LAMA4: variants seen among roughly 807,000 people sequenced by gnomAD.
LAMA4 encodes the protein laminin subunit alpha 4.
A neutral mutation model predicts 207.1 loss-of-function variants in LAMA4; 127 were observed. The observed-to-expected ratio is 0.61, with a 90% CI of 0.53 to 0.71. The LOEUF (loss-of-function observed/expected upper bound fraction) is 0.71, where lower values mean the gene tolerates loss of function less well. Ranked by LOEUF, LAMA4 falls within the 30% of genes least tolerant of loss-of-function variation. The pLI is 0.00. For missense variants in LAMA4, 2,093 were observed against 2,246.5 expected (o/e 0.93, Z 1.38); for synonymous variants, 761 against 816.0 (o/e 0.93, Z 1.15).
chr6:112,204,159 A>G (rs1043703286), intron 4 of LAMA4, among the ~76,000 whole-genome samples: 3 of 152,230 alleles, frequency 2.0e-5, no homozygotes. Context: ...ATTTTGACCT[A>G]TCTTAATAAA....
At chr6:112,254,314 C>A in intron 1 of LAMA4, 23 bp from the exon 2 acceptor site, 2 of 805,480 alleles carry the variant, frequency 2.5e-6, no homozygotes, top group South Asian at 1.6e-5. Flanking sequence ...AGGGAAAGTG[C>A]GAGAGTAAGG....
Position 112,175,306 on chromosome 6 carries a change from C to T in LAMA4, c.1357+7G>A, listed in dbSNP as rs781845111. 4 of 1,613,722 alleles carry T rather than the reference C, an allele frequency of 2.5e-6. No homozygotes were observed. The South Asian group carries it at 3.3e-5, about 13-fold the overall frequency. Reference sequence around the variant, plus strand: ...TGCTGGGTCAGCTATGAGAGGAATACACCTACGTTCGTAAGCCTCATCTGC... The same window carrying T: ...TGCTGGGTCAGCTATGAGAGGAATATACCTACGTTCGTAAGCCTCATCTGC... On this transcript the variant is annotated splice_region_variant and intron_variant, in intron 11 of 38. Transcript: ENST00000230538.
chr6:112,111,394 A>G (rs781940581), intron 38 of LAMA4, among the ~76,000 whole-genome samples: 64 of 152,304 alleles, frequency 4.2e-4, no homozygotes, highest in Non-Finnish European at 6.3e-4. Context: ...ATCACACACT[A>G]AAGTTGACTT....
At chr6:112,163,339 AAAAC>A (rs1554338950) in intron 13 of LAMA4, among the ~76,000 whole-genome samples, 1 of 150,014 alleles carries the variant, frequency 6.7e-6, no homozygotes, top group Non-Finnish European at 1.5e-5. Context: ...AAAAAAATTA[AAAAC>A]AAACAAAACC....
chr6:112,155,824 A>G (rs1298683712), intron 14 of LAMA4, 118 bp from the exon 15 acceptor site: 2 of 1,219,250 alleles, frequency 1.6e-6, no homozygotes, highest in African/African-American at 3.0e-5. Flanking sequence ...CTGTTATTCA[A>G]AGTCACCTAG....
chr6:112,202,632 A>G (rs1186807491), intron 4 of LAMA4, among the ~76,000 whole-genome samples: 1 of 152,190 alleles, frequency 6.6e-6, no homozygotes, highest in Non-Finnish European at 1.5e-5. Context: ...CACTTAAAAA[A>G]TCAGTCAGAA....
chr6:112,122,941 C>T (rs1028905924), intron 31 of LAMA4, among the ~76,000 whole-genome samples: 23 of 152,164 alleles, frequency 1.5e-4, no homozygotes, highest in African/African-American at 4.8e-4. Context: ...CATGATTATA[C>T]ATGCCTCCCG....
intron 9 of LAMA4, among the ~76,000 whole-genome samples, chr6:112,183,638 C>T (rs1370070464): frequency 6.6e-6 from 1 of 152,062 alleles, no homozygotes; most frequent in Non-Finnish European, 1.5e-5. Context: ...CAGATGTTTT[C>T]TTGAAAATTC....
chr6:112,134,420 C>T, intron 26 of LAMA4, 47 bp downstream of exon 26: 1 of 1,603,478 alleles, frequency 6.2e-7, no homozygotes, highest in Middle Eastern at 1.7e-4. Context: ...ATGTTGCCAG[C>T]CCAGTACATT....
At chr6:112,224,748 G>A (rs535892751) in intron 2 of LAMA4, among the ~76,000 whole-genome samples, 79 of 151,172 alleles carry the variant, frequency 5.2e-4, no homozygotes, top group Admixed American at 3.0e-3. Context: ...TCCGGGAGGC[G>A]GAGGTTGCAG....
At chr6:112,125,221 C>T (rs1295769437) in intron 31 of LAMA4, among the ~76,000 whole-genome samples, 2 of 151,296 alleles carry the variant, frequency 1.3e-5, no homozygotes, top group Non-Finnish European at 2.9e-5. Flanking sequence ...GCCTTTCACT[C>T]TATGAAGGAG....
At chr6:112,192,666 G>A (rs1435491952) in intron 5 of LAMA4, among the ~76,000 whole-genome samples, 1 of 152,240 alleles carries the variant, frequency 6.6e-6, no homozygotes, top group African/African-American at 2.4e-5. Context: ...AGCTGAGTTG[G>A]AGAATGGAGA....
At chr6:112,242,115 T>C (rs1354234239) in intron 2 of LAMA4, among the ~76,000 whole-genome samples, 1 of 152,160 alleles carries the variant, frequency 6.6e-6, no homozygotes, top group African/African-American at 2.4e-5. Flanking sequence ...GAGTCTTCAG[T>C]GTTTTGGTAT....
intron 5 of LAMA4, among the ~76,000 whole-genome samples, chr6:112,192,712 C>T (rs1193636927): frequency 6.6e-6 from 1 of 152,180 alleles, no homozygotes; most frequent in Non-Finnish European, 1.5e-5. Context: ...CCTTGCCAAG[C>T]TGTGCACTCT....
At chr6:112,165,352 A>C in intron 12 of LAMA4, 76 bp from the exon 13 acceptor site, 1 of 965,328 alleles carries the variant, frequency 1.0e-6, no homozygotes, top group African/African-American at 1.6e-5. Context: ...AGTAAATGTC[A>C]ACTTGCTCTC....
chr6:112,185,976 C>CT (rs1554346531), intron 8 of LAMA4, among the ~76,000 whole-genome samples: 1 of 152,166 alleles, frequency 6.6e-6, no homozygotes, highest in Non-Finnish European at 1.5e-5. Flanking sequence ...GGTGACTCCC[C>CT]TGGGGGGTAG....
At position 112,254,086 on chromosome 6, in the gene LAMA4, G is replaced by T; in HGVS notation, c.65C>A (p.Ser22Tyr). Residue 22 changes from serine (S) to tyrosine (Y), a missense_variant, in exon 2 of 39, where the codon TCC (serine) becomes TAC (tyrosine). By Grantham distance (144) the Ser-to-Tyr change is moderately radical. Around this residue, in one of 3 missense-constraint regions of LAMA4, gnomAD observed 1,704 missense variants for 1,788.4 expected, o/e 0.95. Transcript: ENST00000230538. ...PLWLLWSAAC[S>Y]RAASGDDNAF... ...GTTGTCGTCCCCGGACGCGGCGCGG[G>T]AGCAGGCAGCGCTCCAGAGGAGCCA... The T allele has an allele frequency of 3.1e-6, 5 of 1,612,328 alleles. No individual in the cohort carries two copies. The highest frequency in any genetic ancestry group is 3.4e-6 in the Non-Finnish European group (4 of 1,179,664).
In LAMA4 at chr6:112,187,182, G is replaced by A. The variant is rs185416385; in HGVS notation, c.966+268C>T. On this transcript the variant is annotated intron_variant, in intron 8 of 38. Coordinates refer to ENST00000230538, the MANE Select transcript of LAMA4 (RefSeq NM_001105206.3). ...GTTTCTCTTTCCTCAGTAGTTTTGG[G>A]CATAGATACTAGTCTTTTAGTCATT... is the stretch of plus-strand genomic sequence containing the variant. 58 of 540,156 alleles carry A rather than the reference G, an allele frequency of 1.1e-4. 1 individual carries two copies. The African/African-American group carries it at 1.1e-3, about 10-fold the overall frequency. The allele number at this position is 540,156 out of a possible 1,614,324, so 33.5% of individuals were successfully genotyped here.
intron 2 of LAMA4, among the ~76,000 whole-genome samples, chr6:112,225,200 T>G (rs1785146057): frequency 1.3e-5 from 2 of 152,160 alleles, no homozygotes; most frequent in African/African-American, 4.8e-5. Flanking sequence ...GCCACCCCCT[T>G]GTTTCTAAGT....
Sources: gnomAD v4.1 joint callset for allele counts (sites outside exome capture counted in the v4.1 genomes callset) on GRCh38, gnomAD v4.1.1 for gene constraint, gnomAD v4.1.1 regional missense constraint, MANE v1.5 for transcripts, NCBI Gene and HGNC (gene_info 2026-07-23, HGNC 2026-07-21) for gene names.